Variants in RIPOR2 observed in about 807,000 individuals in gnomAD.
The protein encoded by RIPOR2 is RHO family interacting cell polarization regulator 2.
A neutral mutation model predicts 114.5 loss-of-function variants in RIPOR2; 39 were observed. That is an observed-to-expected ratio of 0.34 (90% CI 0.26 to 0.44). RIPOR2 has a LOEUF of 0.44. Ranked by LOEUF, RIPOR2 falls within the 20% of genes least tolerant of loss-of-function variation. The pLI is 1.00. For synonymous variants in RIPOR2, 445 were observed against 484.4 expected (o/e 0.92, Z 1.07); for missense variants, 1,007 against 1,255.1 (o/e 0.80, Z 2.99).
At chr6:24,952,378 G>A (rs185995774) in intron 1 of RIPOR2, among the ~76,000 whole-genome samples, 13 of 152,268 alleles carry the variant, frequency 8.5e-5, no homozygotes, top group Non-Finnish European at 1.3e-4. Context: ...TATAGACTGC[G>A]AGTAGTATGC....
Position 24,809,697 on chromosome 6 carries a change from A to T in RIPOR2, c.3043+20T>A. The T allele has an allele frequency of 6.8e-7, 1 of 1,469,406 alleles. No homozygotes were observed. The highest frequency in any genetic ancestry group is 9.3e-7 in the Non-Finnish European group (1 of 1,071,596). 91.0% of individuals were successfully genotyped at this position (1,469,406 alleles called of 1,614,324 possible). A position where few individuals can be genotyped will look rare whatever the true frequency, so the allele number is the denominator to read the frequency against. ...GTGCCAGAAGCAAACAATCATGTAA[A>T]CAACAACAATAAAACTCACCCAGAG... On this transcript the variant is annotated intron_variant, in intron 21 of 21. Transcript: ENST00000643898.
rs373153256 is a variant in RIPOR2, at chr6:24,843,209, C to A, written c.1510G>T (p.Gly504Cys). The part of the protein sequence containing the change: ...PSEACRRQSS[G>C]AGAEHLFLEN... Reference sequence around the variant, plus strand: ...AGGAACAGGTGCTCAGCCCCAGCACCTGAGGACTGTCGGCGGCAAGCCTCA... The same window carrying A: ...AGGAACAGGTGCTCAGCCCCAGCACATGAGGACTGTCGGCGGCAAGCCTCA... The change falls in exon 13 of 22, where the codon GGT becomes TGT. Residue 504 changes from glycine (G) to cysteine (C), a missense_variant. Coordinates refer to ENST00000643898, the MANE Select transcript of RIPOR2 (RefSeq NM_001286445.3). 1.2e-6 allele frequency: 2 copies of A among 1,613,920 alleles called. No homozygotes were observed. Among genetic ancestry groups the A allele is most frequent in the Non-Finnish European group, 1.7e-6 (2 of 1,179,898 alleles).
rs959342935 is a variant in RIPOR2 at position 24,842,243 on chromosome 6, G to A, written c.1857+619C>T. ...CTCATTATCAGGACCTCCCGCCTGCGAGGAAATCATCCTTCTCATCTTACC... is the reference window on the plus strand; with the variant it reads ...CTCATTATCAGGACCTCCCGCCTGCAAGGAAATCATCCTTCTCATCTTACC... On this transcript the variant is annotated intron_variant, in intron 13 of 21. Transcript: ENST00000643898. 9.2e-5 allele frequency among the ~76,000 whole-genome samples: 14 copies of A among 152,270 alleles called. No homozygotes were observed. In the Middle Eastern group the frequency reaches 0.017, roughly 185 times the overall value.
rs544249611 is a variant in RIPOR2 at position 24,896,387 on chromosome 6, T to A, written c.62-20570A>T. Among the ~76,000 whole-genome samples the A allele has an allele frequency of 7.2e-5, 11 of 152,300 alleles. No individual in the cohort carries two copies. The South Asian group carries it at 2.3e-3, about 32-fold the overall frequency. On this transcript the variant is annotated intron_variant, in intron 1 of 21. Transcript: ENST00000643898. ...TTGTTACAGCGATGAGGATATATTA[T>A]CAAGTCAATTCCAGTTTACTAAAGT...
At position 24,807,969 on chromosome 6, in the gene RIPOR2, A is replaced by AG. The variant is rs373382214; in HGVS notation, c.3044-1497dup. ...AAAGAAGATTCATAATATTGACTTC[A>AG]GGGGGGTCTCAAACTTTATATTAGA... On this transcript the variant is annotated intron_variant, in intron 21 of 21. Transcript: ENST00000643898. Among the ~76,000 whole-genome samples the AG allele has an allele frequency of 2.2e-3, 334 of 152,314 alleles. 1 individual carries two copies. The highest frequency in any genetic ancestry group is 3.4e-3 in the Middle Eastern group (1 of 294).
chr6:25,042,108 G>T, upstream of RIPOR2: 1 of 512,330 alleles, frequency 2.0e-6, no homozygotes, highest in Non-Finnish European at 3.4e-6. Flanking sequence ...CTTTTATCTT[G>T]TAACTTGCCT....
In RIPOR2 at chr6:24,843,125, G is replaced by A. The variant is rs762741475; in HGVS notation, c.1594C>T (p.Pro532Ser). The change falls in exon 13 of 22, where the codon CCT (proline) becomes TCT (serine). Residue 532 changes from proline to serine, a missense_variant. Pro to Ser is a moderately conservative substitution (Grantham distance 74). Coordinates refer to ENST00000643898, the MANE Select transcript of RIPOR2 (RefSeq NM_001286445.3). ...QESEEASELKPVELDTSEGNI... is the reference protein window; with the variant it reads ...QESEEASELKSVELDTSEGNI... ...CCTTCCGAAGTGTCCAGTTCCACAGGCTTGAGCTCAGAGGCCTCCTCAGAC... is the reference window on the plus strand; with the variant it reads ...CCTTCCGAAGTGTCCAGTTCCACAGACTTGAGCTCAGAGGCCTCCTCAGAC... 6.2e-6 allele frequency: 10 copies of A among 1,613,952 alleles called. No homozygotes were observed. Among genetic ancestry groups the A allele is most frequent in the Non-Finnish European group, 8.5e-6 (10 of 1,179,868 alleles).
intron 2 of RIPOR2, 120 bp from the exon 3 acceptor site, chr6:24,873,919 G>C (rs1765459589): frequency 2.4e-6 from 2 of 845,158 alleles, no homozygotes; most frequent in Non-Finnish European, 3.6e-6. Flanking sequence ...TGTCATCCAG[G>C]CTGGAGTATG....
At chr6:25,007,428 C>T (rs1386554417) in intron 1 of RIPOR2, among the ~76,000 whole-genome samples, 2 of 152,160 alleles carry the variant, frequency 1.3e-5, no homozygotes, top group East Asian at 3.8e-4. Context: ...AATACTATGA[C>T]AAATCCTCAC....
intron 1 of RIPOR2, among the ~76,000 whole-genome samples, chr6:24,935,380 C>CAGAGAG (rs528051546): frequency 8.6e-6 from 1 of 116,490 alleles, no homozygotes; most frequent in East Asian, 2.6e-4. Context: ...GAGAGAGAGA[C>CAGAGAG]AGAGAGAGAG....
intron 1 of RIPOR2, among the ~76,000 whole-genome samples, chr6:25,040,627 T>A (rs1221922189): frequency 1.3e-5 from 2 of 151,052 alleles, no homozygotes; most frequent in Non-Finnish European, 3.0e-5. Context: ...AGTTTCGCTG[T>A]TGTTGCCCAG....
chr6:24,942,049 A>T (rs760817894), intron 1 of RIPOR2, among the ~76,000 whole-genome samples: 1 of 152,216 alleles, frequency 6.6e-6, no homozygotes, highest in Non-Finnish European at 1.5e-5. Context: ...AGATGAGAAG[A>T]TATAACTTTC....
At chr6:24,960,350 C>T (rs897203130) in intron 1 of RIPOR2, among the ~76,000 whole-genome samples, 5 of 152,170 alleles carry the variant, frequency 3.3e-5, no homozygotes, top group African/African-American at 1.2e-4. Context: ...GCTGTGTCCT[C>T]ACATGGAGAA....
At chr6:24,991,328 T>A (rs1476951026) in intron 1 of RIPOR2, among the ~76,000 whole-genome samples, 1 of 152,236 alleles carries the variant, frequency 6.6e-6, no homozygotes, top group Non-Finnish European at 1.5e-5. Context: ...CTCTTCTTGC[T>A]ATGTATTTTA....
At chr6:24,888,205 A>G (rs1767002661) in intron 1 of RIPOR2, among the ~76,000 whole-genome samples, 1 of 152,170 alleles carries the variant, frequency 6.6e-6, no homozygotes, top group African/African-American at 2.4e-5. Flanking sequence ...CTGAGAGAAA[A>G]ATACACCGAC....
At chr6:24,885,475 C>T (rs1766748676) in intron 1 of RIPOR2, among the ~76,000 whole-genome samples, 1 of 152,156 alleles carries the variant, frequency 6.6e-6, no homozygotes, top group African/African-American at 2.4e-5. Context: ...CCTCCTGCCT[C>T]GGCCTCCCAA....
intron 8 of RIPOR2, among the ~76,000 whole-genome samples, chr6:24,859,422 C>G (rs377312097): frequency 1.3e-5 from 2 of 152,228 alleles, no homozygotes; most frequent in South Asian, 4.2e-4. Flanking sequence ...GATCAGGCTG[C>G]TGATAGAATC....
rs141840301 is a variant in RIPOR2 at position 24,904,972 on chromosome 6, A to G, written c.62-29155T>C. 8.5e-3 allele frequency among the ~76,000 whole-genome samples: 1,290 copies of G among 152,022 alleles called. 27 individuals are homozygous for G. Among genetic ancestry groups the G allele is most frequent in the African/African-American group, 0.029 (1,186 of 41,478 alleles). Reference sequence around the variant, plus strand: ...GTATTTTTAGTAGAGATGAATCTTCACCATGTTGGCCAGGCTGGTCTCAAA... The same window carrying G: ...GTATTTTTAGTAGAGATGAATCTTCGCCATGTTGGCCAGGCTGGTCTCAAA... On this transcript the variant is annotated intron_variant, in intron 1 of 21. Coordinates refer to ENST00000643898, the MANE Select transcript of RIPOR2 (RefSeq NM_001286445.3).
At chr6:24,885,586 G>A (rs1026749058) in intron 1 of RIPOR2, among the ~76,000 whole-genome samples, 3 of 152,190 alleles carry the variant, frequency 2.0e-5, no homozygotes, top group African/African-American at 7.2e-5. Flanking sequence ...TAAGAACGTG[G>A]AATCCAGAGT....
Sources: gnomAD v4.1 joint callset for allele counts (sites outside exome capture counted in the v4.1 genomes callset) on GRCh38, gnomAD v4.1.1 for gene constraint, MANE v1.5 for transcripts, NCBI Gene and HGNC (gene_info 2026-07-23, HGNC 2026-07-21) for gene names.